The following SPDYC variants were observed in gnomAD, a reference collection of about 807,000 sequenced individuals.
The protein encoded by SPDYC is speedy/RINGO cell cycle regulator family member C, also known as speedy protein C.
SPDYC carries 25 observed loss-of-function variants against 33.9 expected under a neutral mutation model. That is an observed-to-expected ratio of 0.74 (90% CI 0.54 to 1.03). The LOEUF is 1.03. Among genes scored for constraint, SPDYC ranks in the 50% least tolerant of loss-of-function variants. The pLI, the probability that SPDYC is intolerant of heterozygous loss-of-function variation, is 0.00. For missense variants in SPDYC, 349 were observed against 382.9 expected (o/e 0.91, Z 0.74); for synonymous variants, 133 against 140.2 (o/e 0.95, Z 0.36).
exon 3 of SPDYC, chr11:65,171,960 G>A (rs1948439897): frequency 1.9e-6 from 3 of 1,613,958 alleles, no homozygotes; most frequent in Non-Finnish European, 2.5e-6. Flanking sequence ...TTTTGTCCAG[G>A]AATTCCTCTC....
chr11:65,171,793 A>G, intron 2 of SPDYC, 150 bp from the exon 3 acceptor site: 1 of 728,522 alleles, frequency 1.4e-6, no homozygotes, highest in Non-Finnish European at 2.3e-6. Context: ...TTCTATTTAT[A>G]TTAAGAAAGA....
Position 65,173,144 on chromosome 11 carries a change from C to G in SPDYC, c.848-39C>G, listed in dbSNP as rs765583055. 2.5e-6 allele frequency: 4 copies of G among 1,611,958 alleles called. No individual in the cohort carries two copies. In the East Asian group the frequency reaches 6.7e-5, roughly 27 times the overall value. On this transcript the variant is annotated intron_variant, in intron 6 of 6. Transcript: ENST00000377185. ...TGCTGCCCCTCCCGTGTGAGCTTGG[C>G]AGGTTTCTTCTCTGAGCCTCACTCT... is the stretch of plus-strand genomic sequence containing the variant.
intron 3 of SPDYC, 30 bp from the exon 4 acceptor site, chr11:65,172,212 ATAAC>A (rs770802880): frequency 2.0e-5 from 32 of 1,612,174 alleles, no homozygotes; most frequent in Non-Finnish European, 2.1e-5. Flanking sequence ...TCCTCAGAGA[ATAAC>A]TAACCCCCCA....
In SPDYC at chr11:65,172,922, A is replaced by C. The variant is rs755551122; in HGVS notation, c.755A>C (p.Tyr252Ser). Residue 252 changes from tyrosine to serine, a missense_variant, in exon 6 of 7, where the codon TAT becomes TCT. By Grantham distance (144) the Tyr-to-Ser change is moderately radical (BLOSUM62 -2). Transcript: ENST00000377185. ...TGTCATCGCCCTCCCTCCCAAAATT[A>C]TCTCTCAAGGGTCAAAAACGCCTGG... 7.4e-6 allele frequency: 12 copies of C among 1,613,714 alleles called. No homozygotes were observed. Among genetic ancestry groups the C allele is most frequent in the Non-Finnish European group, 1.0e-5 (12 of 1,179,954 alleles).
chr11:65,171,531 G>A (rs548667239), intron 2 of SPDYC, 32 bp downstream of exon 2: 63 of 1,490,208 alleles, frequency 4.2e-5, no homozygotes, highest in Middle Eastern at 4.8e-4. Context: ...GGGAGGGGCC[G>A]TGAGGTCAAG....
At chr11:65,172,026 T>C in intron 3 of SPDYC, 25 bp downstream of exon 3, 1 of 1,612,962 alleles carries the variant, frequency 6.2e-7, no homozygotes, top group Non-Finnish European at 8.5e-7. Context: ...GCTGGGGGTC[T>C]CTTGAGGGTC....
At chr11:65,172,560 A>G in exon 5 of SPDYC, 1 of 1,561,338 alleles carries the variant, frequency 6.4e-7, no homozygotes, top group East Asian at 2.3e-5. Context: ...AGCTTTGGGC[A>G]CGGATGGGTT....
chr11:65,171,690 A>AC (rs1004479635), intron 2 of SPDYC, among the ~76,000 whole-genome samples, 191 bp downstream of exon 2: 2 of 152,232 alleles, frequency 1.3e-5, no homozygotes, highest in South Asian at 2.1e-4. Context: ...CGTGAGTCAT[A>AC]CCTATAATCC....
At position 65,172,646 on chromosome 11, in the gene SPDYC, G is replaced by A. The variant is rs375180817; in HGVS notation, c.517-38G>A. On this transcript the variant is annotated intron_variant, in intron 5 of 6. Transcript: ENST00000377185. ...AACCTGGGGTGTGGGGAAGGCTGGG[G>A]TTCCCACCCCATTTACTGTCCACTC... 1.8e-4 allele frequency: 279 copies of A among 1,562,776 alleles called. 2 individuals are homozygous for A. The highest frequency in any genetic ancestry group is 8.8e-4 in the South Asian group (73 of 83,122).
intron 1 of SPDYC, 117 bp downstream of exon 1, chr11:65,170,378 C>A: frequency 9.5e-7 from 1 of 1,056,118 alleles, no homozygotes; most frequent in Non-Finnish European, 1.3e-6. Context: ...TGGCTTCTCT[C>A]TCTCAGGGAT....
chr11:65,172,342 G>A lies in SPDYC; in HGVS notation c.344+11G>A. The A allele has an allele frequency of 1.9e-6, 3 of 1,614,144 alleles. No homozygotes were observed. Among genetic ancestry groups the A allele is most frequent in the Non-Finnish European group, 2.5e-6 (3 of 1,180,026 alleles). On this transcript the variant is annotated intron_variant, in intron 4 of 6. Coordinates refer to ENST00000377185, the Ensembl canonical transcript of SPDYC. ...CCTGTTCTTGGCCCTGTGAGTGGTGGGGGCAGGCAGTGGAGGCATTTGCTG... is the reference window on the plus strand; with the variant it reads ...CCTGTTCTTGGCCCTGTGAGTGGTGAGGGCAGGCAGTGGAGGCATTTGCTG...
chr11:65,172,116 C>T, intron 3 of SPDYC, 115 bp downstream of exon 3: 1 of 1,485,906 alleles, frequency 6.7e-7, no homozygotes, highest in Non-Finnish European at 9.4e-7. Context: ...CTCATCTTTG[C>T]ACACCACTTC....
At chr11:65,172,066 G>A in intron 3 of SPDYC, 65 bp downstream of exon 3, 1 of 1,562,910 alleles carries the variant, frequency 6.4e-7, no homozygotes, top group Non-Finnish European at 8.8e-7. Flanking sequence ...TGAGTGCCCT[G>A]GTCTGGTAGG....
At chr11:65,171,649 C>T (rs1322519409) in intron 2 of SPDYC, 150 bp downstream of exon 2, 3 of 1,003,996 alleles carry the variant, frequency 3.0e-6, no homozygotes, top group Non-Finnish European at 4.2e-6. Flanking sequence ...GGAGGGGTGT[C>T]CTCTCAGAAA....
Position 65,171,354 on chromosome 11 carries a change from T to C in SPDYC, c.54T>C (p.Tyr18=), listed in dbSNP as rs1948430639. 4 of 1,612,478 alleles carry C rather than the reference T, an allele frequency of 2.5e-6. No homozygotes were observed. The highest frequency in any genetic ancestry group is 4.5e-5 in the East Asian group (2 of 44,652). The change falls in exon 2 of 7, where the codon TAT becomes TAC. Residue 18 remains tyrosine (Y), a synonymous_variant. An upstream start codon of the reference 5' UTR is lost. Transcript: ENST00000377185. ...CACCCTGCCCCATCTCCATCTCCTATGAGATGAGTGACTCCCAAGACCCCA... is the reference window on the plus strand; with the variant it reads ...CACCCTGCCCCATCTCCATCTCCTACGAGATGAGTGACTCCCAAGACCCCA...
At chr11:65,170,591 T>C (rs572050614) in intron 1 of SPDYC, among the ~76,000 whole-genome samples, 8 of 150,180 alleles carry the variant, frequency 5.3e-5, no homozygotes, top group Non-Finnish European at 3.0e-5. Context: ...GTTAAACTCT[T>C]GGGTTTTTTT....
chr11:65,172,194 G>GCCCCTCCTCCTCAGAGAATAACTAAC lies in SPDYC; in HGVS notation c.259-47_259-22dup, dbSNP rs1385304697. ...TGGGTGCAAATGAACCTGGGTGCAA[G>GCCCCTCCTCCTCAGAGAATAACTAAC]CCCCTCCTCCTCAGAGAATAACTAA... On this transcript the variant is annotated intron_variant, in intron 3 of 6. Transcript: ENST00000377185. The GCCCCTCCTCCTCAGAGAATAACTAAC allele has an allele frequency of 1.2e-5, 20 of 1,604,748 alleles. No individual in the cohort carries two copies. The African/African-American group carries it at 2.5e-4, about 20-fold the overall frequency.
chr11:65,173,106 C>T, intron 6 of SPDYC, 77 bp from the exon 7 acceptor site: 1 of 1,600,352 alleles, frequency 6.2e-7, no homozygotes, highest in Non-Finnish European at 8.5e-7. Context: ...GGGCCATGGG[C>T]CTGGGGTCGA....
At chr11:65,171,350 C>T (rs1202795362) in exon 2 of SPDYC, 1 of 1,612,602 alleles carries the variant, frequency 6.2e-7, no homozygotes, top group South Asian at 1.1e-5. Context: ...ATCTCCATCT[C>T]CTATGAGATG....
Sources: allele counts gnomAD v4.1 joint callset (sites outside exome capture counted in the v4.1 genomes callset), GRCh38; gene constraint gnomAD v4.1.1; transcripts MANE v1.5; gene names NCBI Gene and HGNC (gene_info 2026-07-23, HGNC 2026-07-21).